The following TCP11L1 variants were observed in gnomAD, a reference collection of about 807,000 sequenced individuals.
TCP11L1 encodes the protein t-complex 11 like 1.
TCP11L1 carries 28 observed loss-of-function variants against 48.9 expected under a neutral mutation model. The ratio of observed to expected loss-of-function variants is 0.57; its 90% CI spans 0.42 to 0.78. The LOEUF (loss-of-function observed/expected upper bound fraction) is 0.78. Among genes scored for constraint, TCP11L1 ranks in the 30% least tolerant of loss-of-function variants. TCP11L1 has a pLI of 0.00. For missense variants in TCP11L1, 505 were observed against 613.4 expected (o/e 0.82, Z 1.87); for synonymous variants, 204 against 231.9 (o/e 0.88, Z 1.09).
At chr11:33,057,891 G>A (rs770464822) in intron 4 of TCP11L1, 28 bp from the exon 5 acceptor site, 2 of 1,562,966 alleles carry the variant, frequency 1.3e-6, no homozygotes, top group East Asian at 2.3e-5. Context: ...AAAGAATTTT[G>A]ATTAAACGTA....
At chr11:33,041,764 AAAC>A (rs1162212341) in intron 1 of TCP11L1, among the ~76,000 whole-genome samples, 2 of 152,144 alleles carry the variant, frequency 1.3e-5, no homozygotes, top group African/African-American at 2.4e-5. Context: ...CCCAAAAAAA[AAAC>A]AAAAAAACAG....
chr11:33,058,822 C>T, intron 5 of TCP11L1, 137 bp from the exon 6 acceptor site: 1 of 850,866 alleles, frequency 1.2e-6, no homozygotes, highest in South Asian at 2.0e-5. Flanking sequence ...TCTGGAACTC[C>T]TGGGCTCAAG....
intron 2 of TCP11L1, among the ~76,000 whole-genome samples, chr11:33,044,442 G>A (rs1853929014): frequency 6.6e-6 from 1 of 152,208 alleles, no homozygotes; most frequent in Non-Finnish European, 1.5e-5. Flanking sequence ...CCTCTTAAAT[G>A]AAAGGGTGGC....
rs908246869 is a variant in TCP11L1 at position 33,059,243 on chromosome 11, T to A, written c.775+148T>A. On this transcript the variant is annotated intron_variant, in intron 6 of 9. Coordinates refer to ENST00000334274, the MANE Select transcript of TCP11L1 (RefSeq NM_018393.4). ...TTGAAGAAGGAAAAGCACAAAATGT[T>A]GGGACTACATCTAGAGTTGTTAAGC... 15 of 1,082,798 alleles carry A rather than the reference T, an allele frequency of 1.4e-5. No individual in the cohort carries two copies. In the African/African-American group the frequency reaches 2.2e-4, roughly 16 times the overall value. 67.1% of individuals were successfully genotyped at this position (1,082,798 alleles called of 1,614,324 possible).
chr11:33,053,796 A>G (rs185290808), intron 2 of TCP11L1, among the ~76,000 whole-genome samples: 2 of 152,260 alleles, frequency 1.3e-5, no homozygotes, highest in Admixed American at 6.5e-5. Context: ...TCGGCACCCT[A>G]AAGGACTTGA....
intron 8 of TCP11L1, 62 bp from the exon 9 acceptor site, chr11:33,068,625 C>T (rs975944110): frequency 8.7e-5 from 136 of 1,555,602 alleles, no homozygotes; most frequent in East Asian, 1.6e-4. Flanking sequence ...CGGGTGTGGG[C>T]GGTTGGAGCT....
chr11:33,057,397 T>A (rs558579126), intron 4 of TCP11L1, among the ~76,000 whole-genome samples, 162 bp downstream of exon 4: 5 of 152,178 alleles, frequency 3.3e-5, no homozygotes, highest in Admixed American at 6.5e-5. Flanking sequence ...TGCCCTTTTT[T>A]AAAAAAAAGT....
At chr11:33,052,552 C>G (rs1341879307) in intron 2 of TCP11L1, among the ~76,000 whole-genome samples, 1 of 151,846 alleles carries the variant, frequency 6.6e-6, no homozygotes, top group Non-Finnish European at 1.5e-5. Flanking sequence ...TCTTTTAAAC[C>G]TGGGCAAACC....
rs188784884 is a variant in TCP11L1 at position 33,070,289 on chromosome 11, A to G, written c.1327+1430A>G. Among the ~76,000 whole-genome samples, 4 of 151,862 alleles carry G rather than the reference A, an allele frequency of 2.6e-5. No individual in the cohort carries two copies. The East Asian group carries it at 7.8e-4, about 30-fold the overall frequency. On this transcript the variant is annotated intron_variant, in intron 9 of 9. Coordinates refer to ENST00000334274, the MANE Select transcript of TCP11L1 (RefSeq NM_018393.4). ...GAGCAAGACCCTGTTTCTAAAAGAA[A>G]GAAAGAAAGAAAAGAAAAACCAGTC...
intron 2 of TCP11L1, among the ~76,000 whole-genome samples, chr11:33,051,380 G>A (rs1337012258): frequency 6.6e-6 from 1 of 151,610 alleles, no homozygotes; most frequent in African/African-American, 2.4e-5. Context: ...TGTTAGCCAG[G>A]ATGGTCTTGT....
intron 2 of TCP11L1, among the ~76,000 whole-genome samples, chr11:33,049,958 T>C (rs1431531732): frequency 6.6e-6 from 1 of 152,206 alleles, no homozygotes; most frequent in Non-Finnish European, 1.5e-5. Context: ...ATACCTGGCT[T>C]TCCTAGGCAG....
In TCP11L1 at chr11:33,072,501, C is replaced by T. The variant is rs1409470124; in HGVS notation, c.1355C>T (p.Thr452Ile). The change falls in exon 10 of 10, where the codon ACC becomes ATC. Residue 452 changes from threonine (T) to isoleucine (I), a missense_variant. Around this residue, in one of 3 missense-constraint regions of TCP11L1, gnomAD observed 335 missense variants for 413.3 expected, o/e 0.81. Coordinates refer to ENST00000334274, the MANE Select transcript of TCP11L1 (RefSeq NM_018393.4). ...TCTCGAATCCTGACCTTCTTAGAAA[C>T]CTACCTTGCCTCGGGTCATCAGAAG... ...MESRILTFLE[T>I]YLASGHQKPL... 1.2e-6 allele frequency: 2 copies of T among 1,614,042 alleles called. No homozygotes were observed. The highest frequency in any genetic ancestry group is 1.7e-5 in the Admixed American group (1 of 59,994).
At chr11:33,045,946 T>C (rs935925122) in intron 2 of TCP11L1, among the ~76,000 whole-genome samples, 4 of 152,252 alleles carry the variant, frequency 2.6e-5, no homozygotes, top group Admixed American at 2.6e-4. Context: ...GAACATGTTC[T>C]GCTACTTGAG....
At position 33,072,947 on chromosome 11, in the gene TCP11L1, A is replaced by C; in HGVS notation, c.*271A>C. 3 of 411,842 alleles carry C rather than the reference A, an allele frequency of 7.3e-6. No individual in the cohort carries two copies. Among genetic ancestry groups the C allele is most frequent in the Non-Finnish European group, 4.5e-6 (1 of 223,278 alleles). The allele number at this position is 411,842 out of a possible 1,614,324, so 25.5% of individuals were successfully genotyped here. A position where few individuals can be genotyped will look rare whatever the true frequency, so the allele number is the denominator to read the frequency against. On this transcript the variant is annotated 3_prime_UTR_variant, in exon 10 of 10. Coordinates refer to ENST00000334274, the MANE Select transcript of TCP11L1 (RefSeq NM_018393.4). ...CAGGTAACACTCAGCTGTTGTCTCC[A>C]CTCCTCCCCCATCATGTCCTTCCAA... is the stretch of plus-strand genomic sequence containing the variant.
rs142029773 is a variant in TCP11L1, at chr11:33,043,800, T to C, written c.27T>C (p.Asn9=). 1.1e-4 allele frequency: 178 copies of C among 1,613,184 alleles called. No individual in the cohort carries two copies. Among genetic ancestry groups the C allele is most frequent in the Non-Finnish European group, 1.4e-4 (163 of 1,179,744 alleles). The part of the protein sequence containing the change: MSENLDKS[N]VNEAGKSKSN... ...TGTCTGAAAACCTTGACAAGTCCAA[T>C]GTAAATGAAGCAGGAAAATCAAAAT... Residue 9 remains asparagine, a synonymous_variant, in exon 2 of 10, where the codon AAT becomes AAC. Transcript: ENST00000334274.
intron 7 of TCP11L1, among the ~76,000 whole-genome samples, chr11:33,063,699 C>T (rs555683665): frequency 1.3e-5 from 2 of 152,242 alleles, no homozygotes; most frequent in Non-Finnish European, 2.9e-5. Context: ...GACTCCCCCT[C>T]TCTTTTTGGG....
At chr11:33,066,050 T>TG in intron 8 of TCP11L1, 39 bp downstream of exon 8, 1 of 1,607,692 alleles carries the variant, frequency 6.2e-7, no homozygotes, top group Non-Finnish European at 8.5e-7. Flanking sequence ...ACGCAGTGGA[T>TG]GTCAGAGAGC....
intron 2 of TCP11L1, among the ~76,000 whole-genome samples, chr11:33,052,935 G>T (rs1365684994): frequency 6.6e-6 from 1 of 152,096 alleles, no homozygotes; most frequent in Non-Finnish European, 1.5e-5. Context: ...TGAGGCTGGG[G>T]TGAGCCATGA....
intron 2 of TCP11L1, among the ~76,000 whole-genome samples, chr11:33,054,143 C>G (rs1051020465): frequency 7.2e-5 from 11 of 151,954 alleles, no homozygotes; most frequent in African/African-American, 2.7e-4. Flanking sequence ...TGGGGAGATT[C>G]ATTTGTGGCA....
Sources: gnomAD v4.1 joint callset for allele counts (sites outside exome capture counted in the v4.1 genomes callset) on GRCh38, gnomAD v4.1.1 for gene constraint, gnomAD v4.1.1 regional missense constraint, MANE v1.5 for transcripts, NCBI Gene and HGNC (gene_info 2026-07-23, HGNC 2026-07-21) for gene names.